The following LRP6 variants were observed in gnomAD, a reference collection of about 807,000 sequenced individuals.
LRP6 encodes the protein LDL receptor related protein 6.
In LRP6, 43 loss-of-function variants were observed where a neutral mutation model predicts 184.1. The ratio of observed to expected loss-of-function variants is 0.23; its 90% CI spans 0.18 to 0.30. LRP6 has a LOEUF of 0.30. Ranked by LOEUF, LRP6 falls within the 10% of genes least tolerant of loss-of-function variation. The probability of loss-of-function intolerance (pLI) is 1.00; values close to 1 mark genes in which losing one functional copy is unlikely to be tolerated. For missense variants in LRP6, 1,571 were observed against 2,005.3 expected (o/e 0.78, Z 4.14); for synonymous variants, 719 against 684.9 (o/e 1.05, Z -0.78).
chr12:12,156,855 A>G (rs1862593111), intron 12 of LRP6, among the ~76,000 whole-genome samples: 1 of 152,224 alleles, frequency 6.6e-6, no homozygotes, highest in African/African-American at 2.4e-5. Flanking sequence ...ATAGTTTACC[A>G]AGTGCCTTCT....
At chr12:12,228,695 T>A (rs183111053) in intron 2 of LRP6, among the ~76,000 whole-genome samples, 40 of 152,292 alleles carry the variant, frequency 2.6e-4, no homozygotes, top group African/African-American at 2.6e-4. Flanking sequence ...ATGCAACAGA[T>A]CTAGGTTGCA....
At chr12:12,184,185 C>A in intron 4 of LRP6, 74 bp from the exon 5 acceptor site, 1 of 1,418,752 alleles carries the variant, frequency 7.0e-7, no homozygotes, top group South Asian at 1.2e-5. Context: ...ATAACATGAA[C>A]AACTGTGATA....
intron 10 of LRP6, 134 bp downstream of exon 10, chr12:12,162,055 TTAAA>T: frequency 4.3e-6 from 3 of 701,902 alleles, no homozygotes; most frequent in African/African-American, 1.8e-5. Context: ...AATAGTGTTT[TTAAA>T]AGTTCATCTA....
At chr12:12,194,741 A>C (rs1863708965) in intron 3 of LRP6, among the ~76,000 whole-genome samples, 1 of 152,278 alleles carries the variant, frequency 6.6e-6, no homozygotes, top group African/African-American at 2.4e-5. Flanking sequence ...GGAAACATTC[A>C]GTATCCTCTT....
At chr12:12,171,310 A>G (rs58389257) in intron 7 of LRP6, among the ~76,000 whole-genome samples, 11,139 of 152,134 alleles carry the variant, frequency 0.073, 1,295 homozygotes, top group African/African-American at 0.24. Flanking sequence ...AGGTCAGGAG[A>G]TCAAGACCAT....
At position 12,138,308 on chromosome 12, in the gene LRP6, A is replaced by G. The variant is rs199856667; in HGVS notation, c.3607+17T>C. On this transcript the variant is annotated intron_variant, in intron 16 of 22. Transcript: ENST00000261349. The stretch of plus-strand genomic sequence containing the variant: ...ACACATGATTCCTCCAATTAGCTTT[A>G]TCCCATTAACACTTACTGTATTCTT... 7.8e-4 allele frequency: 1,235 copies of G among 1,587,304 alleles called. 1 individual carries two copies. The highest frequency in any genetic ancestry group is 9.5e-4 in the Admixed American group (57 of 59,988).
intron 3 of LRP6, among the ~76,000 whole-genome samples, chr12:12,201,628 A>G (rs186890447): frequency 5.8e-4 from 88 of 152,234 alleles, no homozygotes; most frequent in Admixed American, 7.9e-4. Flanking sequence ...CTAAGGCTAT[A>G]GTCAACTTTA....
At chr12:12,204,896 G>A (rs1410759471) in intron 2 of LRP6, among the ~76,000 whole-genome samples, 1 of 149,698 alleles carries the variant, frequency 6.7e-6, no homozygotes, top group East Asian at 2.0e-4. Context: ...GAACCTGGGA[G>A]GCGGAGGGTG....
chr12:12,162,477 A>G (rs1360325200), intron 9 of LRP6, 58 bp from the exon 10 acceptor site: 1 of 1,472,282 alleles, frequency 6.8e-7, no homozygotes, highest in Non-Finnish European at 9.5e-7. Context: ...CTATCCAGAA[A>G]GAAGGTTTGG....
At chr12:12,222,888 C>G (rs1188155192) in intron 2 of LRP6, among the ~76,000 whole-genome samples, 1 of 151,964 alleles carries the variant, frequency 6.6e-6, no homozygotes, top group Admixed American at 6.6e-5. Flanking sequence ...AAAAATAACA[C>G]TAACGAATAT....
chr12:12,172,017 T>C (rs1385717939), intron 7 of LRP6, among the ~76,000 whole-genome samples: 1 of 152,230 alleles, frequency 6.6e-6, no homozygotes, highest in African/African-American at 2.4e-5. Context: ...CCAGAACAAA[T>C]GAACCACTTT....
Position 12,184,012 on chromosome 12 carries a change from T to A in LRP6, c.944A>T (p.Lys315Ile). Residue 315 changes from lysine to isoleucine, a missense_variant, in exon 5 of 23, where the codon AAA becomes ATA. Lys to Ile is a moderately radical substitution (Grantham distance 102). Coordinates refer to ENST00000261349, the MANE Select transcript of LRP6 (RefSeq NM_002336.3). The stretch of plus-strand genomic sequence containing the variant: ...GCAGGTTTTTCCATTCTCCAGGAGT[T>A]TGACCCCAGTGGGGCAAGCACACTG... ...FYQCACPTGVKLLENGKTCKD... is the reference protein window; with the variant it reads ...FYQCACPTGVILLENGKTCKD... 6.2e-7 allele frequency: 1 copy of A among 1,613,788 alleles called. No individual in the cohort carries two copies.
intron 2 of LRP6, among the ~76,000 whole-genome samples, chr12:12,227,018 T>C (rs1864643646): frequency 6.6e-6 from 1 of 151,350 alleles, no homozygotes; most frequent in Non-Finnish European, 1.5e-5. Context: ...CTGCAGAAAA[T>C]GAAAAAAATA....
intron 7 of LRP6, among the ~76,000 whole-genome samples, chr12:12,172,615 C>T (rs1438258440): frequency 6.6e-6 from 1 of 152,166 alleles, no homozygotes; most frequent in Non-Finnish European, 1.5e-5. Context: ...TCTAATGTTC[C>T]AGACAATATC....
At chr12:12,128,228 T>C (rs923728645) in intron 19 of LRP6, among the ~76,000 whole-genome samples, 2 of 152,156 alleles carry the variant, frequency 1.3e-5, no homozygotes, top group African/African-American at 2.4e-5. Flanking sequence ...CTGTCTTCTC[T>C]TTAAAAAAAA....
At chr12:12,225,407 CA>C (rs1426683952) in intron 2 of LRP6, among the ~76,000 whole-genome samples, 1 of 152,302 alleles carries the variant, frequency 6.6e-6, no homozygotes, top group Non-Finnish European at 1.5e-5. Flanking sequence ...CATAATTTAT[CA>C]AAGCAGAAAT....
At chr12:12,145,970 T>C (rs1950001527) in intron 15 of LRP6, among the ~76,000 whole-genome samples, 1 of 152,156 alleles carries the variant, frequency 6.6e-6, no homozygotes, top group South Asian at 2.1e-4. Flanking sequence ...ATACATACAC[T>C]GTGTATACAC....
At chr12:12,186,743 C>T (rs1863485794) in intron 4 of LRP6, 180 bp downstream of exon 4, 5 of 645,174 alleles carry the variant, frequency 7.7e-6, no homozygotes, top group Non-Finnish European at 8.4e-6. Context: ...ACTGCAACCT[C>T]GGCCTCCCGA....
At chr12:12,188,830 C>T (rs1165392092) in intron 3 of LRP6, among the ~76,000 whole-genome samples, 1 of 152,112 alleles carries the variant, frequency 6.6e-6, no homozygotes, top group African/African-American at 2.4e-5. Flanking sequence ...GGTGATGGCA[C>T]AGTTTATGTT....
Sources: allele counts gnomAD v4.1 joint callset (sites outside exome capture counted in the v4.1 genomes callset), GRCh38; gene constraint gnomAD v4.1.1; transcripts MANE v1.5; gene names NCBI Gene and HGNC (gene_info 2026-07-23, HGNC 2026-07-21).